Variants in SCHIP1 observed in about 807,000 individuals in gnomAD.
SCHIP1 encodes schwannomin-interacting protein 1.
In SCHIP1, 8 loss-of-function variants were observed where a neutral mutation model predicts 29.7. The ratio of observed to expected loss-of-function variants is 0.27; its 90% CI spans 0.16 to 0.49. The LOEUF (loss-of-function observed/expected upper bound fraction) is 0.49, where lower values mean the gene tolerates loss of function less well. Ranked by LOEUF, SCHIP1 falls within the 20% of genes least tolerant of loss-of-function variation. The pLI, the probability that SCHIP1 is intolerant of heterozygous loss-of-function variation, is 0.99. For missense variants in SCHIP1, 193 were observed against 294.6 expected (o/e 0.66, Z 2.52); for synonymous variants, 76 against 94.9 (o/e 0.80, Z 1.16).
chr3:159,610,224 T>A, the SCHIP1 span, among the ~76,000 whole-genome samples: 1 of 152,076 alleles, frequency 6.6e-6, no homozygotes, highest in Non-Finnish European at 1.5e-5. Flanking sequence ...TCCCCCTAGA[T>A]GAGAGATGAC....
chr3:159,714,349 C>G, the SCHIP1 span, among the ~76,000 whole-genome samples: 1 of 152,182 alleles, frequency 6.6e-6, no homozygotes, highest in East Asian at 1.9e-4. Context: ...TCTGCATTTC[C>G]AACTGAGGTA....
the SCHIP1 span, among the ~76,000 whole-genome samples, chr3:159,769,029 G>A: frequency 0.25 from 37,570 of 152,074 alleles, 4,896 homozygotes; most frequent in East Asian, 0.45. Context: ...CATAGATGGA[G>A]TAAAGAAAGG....
chr3:159,764,853 G>A, the SCHIP1 span: 1 of 1,592,510 alleles, frequency 6.3e-7, no homozygotes, highest in Non-Finnish European at 8.5e-7. This position sits in a 1 kb window ranked among gnomAD's most constrained non-coding sequence, Gnocchi z 6.1. Context: ...ACGACCCCCA[G>A]GACCTCAGGC....
chr3:159,303,264 T>C, the SCHIP1 span, among the ~76,000 whole-genome samples: 3 of 151,898 alleles, frequency 2.0e-5, no homozygotes, highest in Non-Finnish European at 4.4e-5. Flanking sequence ...GATGAAAGTA[T>C]CATTTATAAA....
At chr3:159,808,628 A>T in the SCHIP1 span, 1 of 152,254 alleles carries the variant, frequency 6.6e-6, no homozygotes, top group African/African-American at 2.4e-5. Context: ...AAGGAAGGTG[A>T]GATATGACCA....
At chr3:159,638,703 C>G in the SCHIP1 span, among the ~76,000 whole-genome samples, 1 of 151,738 alleles carries the variant, frequency 6.6e-6, no homozygotes, top group Non-Finnish European at 1.5e-5. Context: ...CCCACTTAGT[C>G]TCTCCTGAGT....
chr3:159,701,826 AG>A, the SCHIP1 span, among the ~76,000 whole-genome samples: 2 of 152,192 alleles, frequency 1.3e-5, no homozygotes, highest in East Asian at 3.9e-4. Flanking sequence ...AGGCACCATG[AG>A]GGAAAGAGTA....
the SCHIP1 span, among the ~76,000 whole-genome samples, chr3:159,647,138 G>A: frequency 6.6e-6 from 1 of 151,960 alleles, no homozygotes; most frequent in East Asian, 1.9e-4. Flanking sequence ...ACCATTTGAG[G>A]GAAGACAGAG....
chr3:159,570,113 A>G, the SCHIP1 span, among the ~76,000 whole-genome samples: 1 of 152,124 alleles, frequency 6.6e-6, no homozygotes, highest in African/African-American at 2.4e-5. Context: ...CTCTGATGGT[A>G]GTTTCTTTTG....
At chr3:159,354,021 C>A in the SCHIP1 span, among the ~76,000 whole-genome samples, 22 of 152,238 alleles carry the variant, frequency 1.4e-4, no homozygotes, top group South Asian at 1.4e-3. Flanking sequence ...TAGTGAAGTG[C>A]AAATTGCATT....
the SCHIP1 span, among the ~76,000 whole-genome samples, chr3:159,747,112 A>G: frequency 2.0e-5 from 3 of 152,226 alleles, no homozygotes; most frequent in Non-Finnish European, 2.9e-5. Context: ...TACCTGGCAC[A>G]TAGTAGATAT....
At chr3:159,312,318 G>A in the SCHIP1 span, among the ~76,000 whole-genome samples, 72 of 152,132 alleles carry the variant, frequency 4.7e-4, no homozygotes, top group Non-Finnish European at 8.8e-4. Context: ...AGAAAGTGGT[G>A]ATCTATGGGC....
At chr3:159,329,641 C>T in the SCHIP1 span, among the ~76,000 whole-genome samples, 5 of 152,144 alleles carry the variant, frequency 3.3e-5, no homozygotes, top group African/African-American at 1.2e-4. Context: ...CATAAAAAGC[C>T]ATCTATATTC....
the SCHIP1 span, among the ~76,000 whole-genome samples, chr3:159,423,209 G>A: frequency 6.6e-6 from 1 of 152,230 alleles, no homozygotes; most frequent in Non-Finnish European, 1.5e-5. Context: ...GTGGGCACAG[G>A]TCAGTGGGTG....
chr3:159,300,254 T>C, the SCHIP1 span, among the ~76,000 whole-genome samples: 57 of 151,414 alleles, frequency 3.8e-4, no homozygotes, highest in African/African-American at 1.1e-3. Context: ...GTCTACCAAG[T>C]TGATGGGACT....
At chr3:159,881,064 A>C (rs1716387775) in intron 2 of SCHIP1, among the ~76,000 whole-genome samples, 1 of 152,228 alleles carries the variant, frequency 6.6e-6, no homozygotes, top group Non-Finnish European at 1.5e-5. Flanking sequence ...AAGGAGTAGC[A>C]GTACTTCATT....
chr3:159,874,490 G>T (rs1057021668), intron 2 of SCHIP1, among the ~76,000 whole-genome samples: 7 of 152,188 alleles, frequency 4.6e-5, no homozygotes, highest in African/African-American at 1.7e-4. Flanking sequence ...TGTTTGGGCT[G>T]GAGGGCAAGG....
At chr3:159,355,763 G>A in the SCHIP1 span, among the ~76,000 whole-genome samples, 5 of 151,574 alleles carry the variant, frequency 3.3e-5, no homozygotes, top group Admixed American at 1.3e-4. Flanking sequence ...TGTTCCTGGC[G>A]AGGCTAAATT....
the SCHIP1 span, among the ~76,000 whole-genome samples, chr3:159,598,045 C>T: frequency 5.3e-5 from 8 of 152,148 alleles, no homozygotes; most frequent in African/African-American, 1.9e-4. Context: ...GACTCACTCA[C>T]TATCACAAGA....
Sources: allele counts gnomAD v4.1 joint callset (sites outside exome capture counted in the v4.1 genomes callset), GRCh38; gene constraint gnomAD v4.1.1; non-coding constraint Gnocchi (gnomAD v3.1); transcripts MANE v1.5; gene names NCBI Gene and HGNC (gene_info 2026-07-23, HGNC 2026-07-21).